Variants in CCDC7 observed in about 807,000 individuals in gnomAD.
CCDC7 encodes coiled-coil domain-containing protein 7.
A neutral mutation model predicts 196.9 loss-of-function variants in CCDC7; 183 were observed. The ratio of observed to expected loss-of-function variants is 0.93; its 90% CI spans 0.82 to 1.05. The LOEUF is 1.05. CCDC7 is among the 50% of genes least tolerant of loss of function. The pLI is 0.00. For synonymous variants in CCDC7, 525 were observed against 484.6 expected (o/e 1.08, Z -1.10); for missense variants, 1,540 against 1,482.2 (o/e 1.04, Z -0.64).
intron 11 of CCDC7, among the ~76,000 whole-genome samples, chr10:32,520,045 A>C (rs1204535102): frequency 6.6e-6 from 1 of 152,088 alleles, no homozygotes; most frequent in East Asian, 1.9e-4. Context: ...TGCAAATGAC[A>C]CAATCTCCTT....
At chr10:32,860,365 C>A (rs565953060) in intron 41 of CCDC7, among the ~76,000 whole-genome samples, 157 of 152,136 alleles carry the variant, frequency 1.0e-3, no homozygotes, top group African/African-American at 3.6e-3. Context: ...ATTTAACAGC[C>A]CTTCATGCTA....
chr10:32,817,057 G>A (rs1428661294), intron 31 of CCDC7, among the ~76,000 whole-genome samples: 3 of 151,984 alleles, frequency 2.0e-5, no homozygotes, highest in Non-Finnish European at 2.9e-5. Context: ...CAGGAAGTTC[G>A]AACCCATGGC....
At chr10:32,595,981 A>T (rs1345719650) in intron 18 of CCDC7, among the ~76,000 whole-genome samples, 1 of 152,152 alleles carries the variant, frequency 6.6e-6, no homozygotes, top group Non-Finnish European at 1.5e-5. Flanking sequence ...TCAATTTTGG[A>T]ATACGTGTGA....
chr10:32,541,092 A>C (rs2051344506), intron 11 of CCDC7, among the ~76,000 whole-genome samples: 2 of 138,138 alleles, frequency 1.4e-5, no homozygotes, highest in Non-Finnish European at 3.1e-5. Context: ...TGTCTGATTG[A>C]TTTATTTTAG....
At chr10:32,592,990 T>A (rs549094444) in intron 18 of CCDC7, among the ~76,000 whole-genome samples, 5 of 152,268 alleles carry the variant, frequency 3.3e-5, no homozygotes, top group African/African-American at 1.2e-4. Flanking sequence ...GCTATTGTGA[T>A]TAGTGCCACA....
Position 32,499,789 on chromosome 10 carries a change from G to A in CCDC7, c.872+7792G>A, listed in dbSNP as rs548527483. Among the ~76,000 whole-genome samples the A allele has an allele frequency of 4.7e-4, 71 of 152,184 alleles. No homozygotes were observed. The Middle Eastern group carries it at 0.014, about 29-fold the overall frequency. ...TTGTGTCCCTGGGTACTTGAGATTA[G>A]GGAGTGGTGATGACTCTTAACGAGT... On this transcript the variant is annotated intron_variant, in intron 9 of 41. Transcript: ENST00000639629.
intron 41 of CCDC7, among the ~76,000 whole-genome samples, chr10:32,874,749 TATC>T (rs1402413711): frequency 9.2e-5 from 7 of 76,382 alleles, no homozygotes; most frequent in Non-Finnish European, 2.1e-4. Flanking sequence ...CACACCAACA[TATC>T]TACACACACA....
intron 28 of CCDC7, among the ~76,000 whole-genome samples, chr10:32,778,725 G>A (rs1027790598): frequency 1.4e-4 from 22 of 152,152 alleles, no homozygotes; most frequent in African/African-American, 5.3e-4. Context: ...AAATGACATT[G>A]GTAGTTTGAT....
chr10:32,712,110 C>A (rs7915146), intron 25 of CCDC7, among the ~76,000 whole-genome samples: 21,046 of 152,042 alleles, frequency 0.14, 1,759 homozygotes, highest in East Asian at 0.25. Context: ...AAATGGAAAT[C>A]AGAGAGGTAC....
intron 18 of CCDC7, among the ~76,000 whole-genome samples, chr10:32,608,780 A>G (rs2061793785): frequency 6.6e-6 from 1 of 152,046 alleles, no homozygotes; most frequent in Non-Finnish European, 1.5e-5. Context: ...GCCTCAAGTG[A>G]TCCTCCCGCC....
intron 9 of CCDC7, among the ~76,000 whole-genome samples, chr10:32,507,167 A>G (rs1310774353): frequency 6.6e-6 from 1 of 151,768 alleles, no homozygotes; most frequent in Non-Finnish European, 1.5e-5. Context: ...TAATTTTTGT[A>G]TTTTTAGTAG....
intron 21 of CCDC7, among the ~76,000 whole-genome samples, chr10:32,671,616 G>C (rs746159074): frequency 6.6e-6 from 1 of 152,114 alleles, no homozygotes; most frequent in Non-Finnish European, 1.5e-5. Context: ...AGATTATTGT[G>C]GTGTTTTGGT....
rs79283850 is a variant in CCDC7, at chr10:32,644,608, C to T, written c.2014+9450C>T. On this transcript the variant is annotated intron_variant, in intron 20 of 41. Coordinates refer to ENST00000639629, the Ensembl canonical transcript of CCDC7. ...TCTTGAATTGTACTCCTATAATTTC[C>T]ACATGTTGTGGGAGGGACCCAGTGG... Among the ~76,000 whole-genome samples the T allele has an allele frequency of 3.8e-4, 58 of 152,268 alleles. No individual in the cohort carries two copies. The East Asian group carries it at 0.01, about 27-fold the overall frequency.
At chr10:32,569,738 T>C (rs1005718494) in intron 15 of CCDC7, among the ~76,000 whole-genome samples, 1 of 152,218 alleles carries the variant, frequency 6.6e-6, no homozygotes, top group African/African-American at 2.4e-5. Flanking sequence ...AGATGATTTA[T>C]AGTTTAATCT....
At chr10:32,705,923 T>A (rs1162742995) in intron 24 of CCDC7, among the ~76,000 whole-genome samples, 1 of 152,008 alleles carries the variant, frequency 6.6e-6, no homozygotes, top group Non-Finnish European at 1.5e-5. Flanking sequence ...GACAGAAAGT[T>A]AACAAGGATA....
At chr10:32,473,339 A>G (rs2038333479) in intron 7 of CCDC7, among the ~76,000 whole-genome samples, 1 of 152,242 alleles carries the variant, frequency 6.6e-6, no homozygotes, top group Admixed American at 6.5e-5. Flanking sequence ...TGAACAAACA[A>G]CATGCATAGA....
intron 9 of CCDC7, among the ~76,000 whole-genome samples, chr10:32,500,063 C>T (rs1049120572): frequency 3.3e-5 from 5 of 152,246 alleles, no homozygotes; most frequent in African/African-American, 9.6e-5. Context: ...TCCCCCTTTT[C>T]TATTCAACAA....
chr10:32,509,441 A>G (rs1160603771), intron 9 of CCDC7, among the ~76,000 whole-genome samples: 2 of 152,056 alleles, frequency 1.3e-5, no homozygotes, highest in Admixed American at 6.6e-5. Flanking sequence ...CTGAAACCGT[A>G]AAACTCCTCG....
intron 18 of CCDC7, among the ~76,000 whole-genome samples, chr10:32,614,596 A>G (rs1345909001): frequency 3.3e-5 from 5 of 152,148 alleles, no homozygotes; most frequent in Non-Finnish European, 7.4e-5. Context: ...ATGGGCATTT[A>G]GTGTACCTCT....
Sources: allele counts gnomAD v4.1 joint callset (sites outside exome capture counted in the v4.1 genomes callset), GRCh38; gene constraint gnomAD v4.1.1; transcripts MANE v1.5; gene names NCBI Gene and HGNC (gene_info 2026-07-23, HGNC 2026-07-21).